The following DDAH1 variants were observed in gnomAD, a reference collection of about 807,000 sequenced individuals.
DDAH1 encodes N(G),N(G)-dimethylarginine dimethylaminohydrolase 1.
In DDAH1, 19 loss-of-function variants were observed where a neutral mutation model predicts 28.8. That is an observed-to-expected ratio of 0.66 (90% CI 0.46 to 0.97). The LOEUF is 0.97. DDAH1 is among the 50% of genes least tolerant of loss of function. The pLI, the probability that DDAH1 is intolerant of heterozygous loss-of-function variation, is 0.00. For synonymous variants in DDAH1, 153 were observed against 154.4 expected (o/e 0.99, Z 0.07); for missense variants, 326 against 375.9 (o/e 0.87, Z 1.10).
intron 1 of DDAH1, among the ~76,000 whole-genome samples, chr1:85,402,137 C>T (rs1652139527): frequency 6.6e-6 from 1 of 151,330 alleles, no homozygotes; most frequent in Non-Finnish European, 1.5e-5. Context: ...AGGTACGCAA[C>T]CACCACTCCC....
At chr1:85,476,349 T>C (rs1317776645) in intron 2 of DDAH1, among the ~76,000 whole-genome samples, 1 of 152,232 alleles carries the variant, frequency 6.6e-6, no homozygotes, top group African/African-American at 2.4e-5. Flanking sequence ...TGGACCATGA[T>C]TTGTGGATTA....
intron 1 of DDAH1, among the ~76,000 whole-genome samples, chr1:85,381,855 C>A (rs1475135179): frequency 6.6e-6 from 1 of 152,130 alleles, no homozygotes; most frequent in Non-Finnish European, 1.5e-5. Context: ...TTCAAACTTA[C>A]TACGTCCACA....
chr1:85,341,630 C>G (rs1377964548), intron 4 of DDAH1, among the ~76,000 whole-genome samples: 1 of 152,002 alleles, frequency 6.6e-6, no homozygotes, highest in Non-Finnish European at 1.5e-5. Context: ...CTGGCTAACA[C>G]GGTAAAACCC....
intron 1 of DDAH1, among the ~76,000 whole-genome samples, chr1:85,377,657 C>T (rs1296853807): frequency 6.6e-6 from 1 of 151,906 alleles, no homozygotes; most frequent in Non-Finnish European, 1.5e-5. Context: ...CCAGATTTTC[C>T]TTCACAGATT....
chr1:85,375,723 T>C (rs1250915594), intron 1 of DDAH1, among the ~76,000 whole-genome samples: 1 of 152,144 alleles, frequency 6.6e-6, no homozygotes, highest in African/African-American at 2.4e-5. Context: ...AAAGCACTTA[T>C]TCAGTAAGTT....
At chr1:85,421,880 T>C (rs945262257) in intron 1 of DDAH1, among the ~76,000 whole-genome samples, 3 of 152,236 alleles carry the variant, frequency 2.0e-5, no homozygotes, top group Non-Finnish European at 2.9e-5. Context: ...TGATTATGAA[T>C]AAAGCTGCTA....
intron 1 of DDAH1, among the ~76,000 whole-genome samples, chr1:85,497,409 A>T (rs1379395596): frequency 6.6e-6 from 1 of 152,236 alleles, no homozygotes; most frequent in East Asian, 1.9e-4. Flanking sequence ...AAAAGACAGC[A>T]GTCCTTTTTA....
At chr1:85,478,943 T>A (rs1180543349) in intron 2 of DDAH1, among the ~76,000 whole-genome samples, 1 of 152,190 alleles carries the variant, frequency 6.6e-6, no homozygotes, top group African/African-American at 2.4e-5. Context: ...AATTGTATAT[T>A]ACTTTACAAT....
At chr1:85,467,896 T>C (rs1276806858), upstream of DDAH1, among the ~76,000 whole-genome samples, 1 of 152,118 alleles carries the variant, frequency 6.6e-6, no homozygotes, top group Non-Finnish European at 1.5e-5. Flanking sequence ...ACATCCAGAA[T>C]TGGAGCTGGG....
intron 1 of DDAH1, among the ~76,000 whole-genome samples, chr1:85,525,408 C>A (rs1450364547): frequency 3.3e-5 from 5 of 152,282 alleles, no homozygotes; most frequent in African/African-American, 1.2e-4. Flanking sequence ...TCCTCTGGCT[C>A]ATAGGAGAAA....
chr1:85,486,405 A>G (rs796268390), intron 2 of DDAH1, among the ~76,000 whole-genome samples: 14 of 152,350 alleles, frequency 9.2e-5, no homozygotes, highest in African/African-American at 3.1e-4. Context: ...TTGTTCTGAC[A>G]GAATTCAGCT....
chr1:85,510,255 C>T (rs908124095), intron 1 of DDAH1, among the ~76,000 whole-genome samples: 6 of 152,260 alleles, frequency 3.9e-5, no homozygotes, highest in African/African-American at 1.4e-4. Flanking sequence ...AACTAAGCTT[C>T]ATAAGTGAAG....
intron 1 of DDAH1, among the ~76,000 whole-genome samples, chr1:85,517,096 C>T (rs1389386804): frequency 7.9e-5 from 12 of 152,012 alleles, no homozygotes; most frequent in African/African-American, 2.9e-4. Context: ...CACAGAACAG[C>T]CCTGAGGACT....
At chr1:85,434,657 G>A (rs1653849801) in intron 1 of DDAH1, among the ~76,000 whole-genome samples, 1 of 152,038 alleles carries the variant, frequency 6.6e-6, no homozygotes. Flanking sequence ...CTCCCAAAGT[G>A]GTGGGATTAC....
At chr1:85,504,345 A>G (rs983906162) in intron 1 of DDAH1, among the ~76,000 whole-genome samples, 2 of 152,188 alleles carry the variant, frequency 1.3e-5, no homozygotes, top group Admixed American at 1.3e-4. Flanking sequence ...ATTAAAGAGA[A>G]CAAAGGGTGA....
chr1:85,432,383 T>C (rs1653725853), intron 1 of DDAH1, among the ~76,000 whole-genome samples: 1 of 152,206 alleles, frequency 6.6e-6, no homozygotes, highest in Admixed American at 6.5e-5. Flanking sequence ...GATTCTGAGA[T>C]GTCTAAGCAA....
At chr1:85,415,005 CTTTTTTTTTTT>C (rs71727580) in intron 1 of DDAH1, among the ~76,000 whole-genome samples, 794 of 57,642 alleles carry the variant, frequency 0.014, 11 homozygotes, top group African/African-American at 0.048. Context: ...TCAAGTGTTG[CTTTTTTTTTTT>C]TTTTTTTTTT....
chr1:85,576,212 ATG>A (rs1659599442), intron 1 of DDAH1, among the ~76,000 whole-genome samples: 1 of 152,200 alleles, frequency 6.6e-6, no homozygotes, highest in African/African-American at 2.4e-5. Context: ...ACCCTATATA[ATG>A]TGTTAATTTC....
upstream of DDAH1, among the ~76,000 whole-genome samples, chr1:85,469,472 TAG>T (rs899244679): frequency 1.3e-5 from 2 of 152,220 alleles, no homozygotes; most frequent in African/African-American, 4.8e-5. Flanking sequence ...CACGTTATCA[TAG>T]AGTTATTATA....
Sources: gnomAD v4.1 joint callset for allele counts (sites outside exome capture counted in the v4.1 genomes callset) on GRCh38, gnomAD v4.1.1 for gene constraint, MANE v1.5 for transcripts, NCBI Gene and HGNC (gene_info 2026-07-23, HGNC 2026-07-21) for gene names.